Variants in DNAH3 observed in about 807,000 individuals in gnomAD.
The protein encoded by DNAH3 is axonemal beta dynein heavy chain 3.
Under a neutral mutation model 432.5 loss-of-function variants are expected in DNAH3, and 332 were observed. The ratio of observed to expected loss-of-function variants is 0.77; its 90% CI spans 0.70 to 0.84. The LOEUF is 0.84. DNAH3 is among the 40% of genes least tolerant of loss of function. The probability of loss-of-function intolerance (pLI) is 0.00; values close to 1 mark genes in which losing one functional copy is unlikely to be tolerated. For synonymous variants in DNAH3, 1,956 were observed against 1,900.2 expected, an observed-to-expected ratio of 1.03 and a Z score of -0.76; for missense variants, 4,861 against 5,114.0, an observed-to-expected ratio of 0.95 and a Z score of 1.51.
At chr16:21,015,819 T>G (rs2087830504) in intron 41 of DNAH3, among the ~76,000 whole-genome samples, 1 of 151,908 alleles carries the variant, frequency 6.6e-6, no homozygotes, top group Non-Finnish European at 1.5e-5. Flanking sequence ...TGAGATGGAG[T>G]CTTGCTCTGT....
At chr16:21,125,342 T>C (rs776139252) in exon 9 of DNAH3, 2 of 1,608,996 alleles carry the variant, frequency 1.2e-6, no homozygotes, top group East Asian at 2.2e-5. Context: ...TTCCGTGAGG[T>C]AAAAAGCTGG....
rs553797357 is a variant in DNAH3 at position 21,052,164 on chromosome 16, G to C, written c.4040-296C>G. ...ACGCCACCACACCTGGCTAATTTTT[G>C]TATTTTTAGTAGAGATGGGGTTTCA... On this transcript the variant is annotated intron_variant, in intron 28 of 61. Transcript: ENST00000261383. 7.2e-5 allele frequency among the ~76,000 whole-genome samples: 11 copies of C among 152,116 alleles called. No homozygotes were observed. In the South Asian group the frequency reaches 1.2e-3, roughly 17 times the overall value.
In DNAH3 at chr16:20,969,777, T is replaced by C; in HGVS notation, c.8458+15A>G. ...AGAGCAGCCTGTGCAGGCATCTGGG[T>C]GGGGTGGCACTTACCGGAGCCACTG... On this transcript the variant is annotated intron_variant, in intron 52 of 61. Transcript: ENST00000261383. 1 of 1,613,774 alleles carries C rather than the reference T, an allele frequency of 6.2e-7. No homozygotes were observed. Among genetic ancestry groups the C allele is most frequent in the Non-Finnish European group, 8.5e-7 (1 of 1,179,856 alleles).
Position 21,040,032 on chromosome 16 carries a change from G to A in DNAH3, c.4639-89C>T. On this transcript the variant is annotated intron_variant, in intron 32 of 61. Coordinates refer to ENST00000261383, the Ensembl canonical transcript of DNAH3. ...CACAGAAGCAAAGGGAAGTAGCTTT[G>A]CTTCATTCAGGCCACTCCAGTGACA... 3 of 1,087,124 alleles carry A rather than the reference G, an allele frequency of 2.8e-6. No homozygotes were observed. In the South Asian group the frequency reaches 3.9e-5, roughly 14 times the overall value. The allele number at this position is 1,087,124 out of a possible 1,614,324, so 67.3% of individuals were successfully genotyped here.
At chr16:20,982,650 AC>A in intron 49 of DNAH3, 70 bp downstream of exon 49, 1 of 1,339,752 alleles carries the variant, frequency 7.5e-7, no homozygotes, top group Non-Finnish European at 1.0e-6. Context: ...CAAAACAACA[AC>A]AAAAATAGAG....
chr16:20,974,579 G>GTTTTTTTTTTTTTTT (rs752437227), intron 51 of DNAH3, among the ~76,000 whole-genome samples: 5 of 81,842 alleles, frequency 6.1e-5, no homozygotes, highest in African/African-American at 9.7e-5. Flanking sequence ...GTTTTATAGT[G>GTTTTTTTTTTTTTTT]TTTTTTTTTT....
At chr16:21,028,802 G>A in intron 37 of DNAH3, among the ~76,000 whole-genome samples, 1 of 152,172 alleles carries the variant, frequency 6.6e-6, no homozygotes, top group Non-Finnish European at 1.5e-5. Context: ...GGATTCCAGT[G>A]AGATGTTTAA....
At chr16:20,984,687 T>C (rs1467197604) in intron 48 of DNAH3, among the ~76,000 whole-genome samples, 1 of 152,036 alleles carries the variant, frequency 6.6e-6, no homozygotes, top group Non-Finnish European at 1.5e-5. Flanking sequence ...CTGGCCAACA[T>C]GGTGAAACCC....
At chr16:21,083,044 T>C (rs1157879786) in intron 19 of DNAH3, among the ~76,000 whole-genome samples, 1 of 149,408 alleles carries the variant, frequency 6.7e-6, no homozygotes, top group Non-Finnish European at 1.5e-5. Flanking sequence ...TGAGAGAGAG[T>C]CTCGCTCTGT....
At position 20,969,882 on chromosome 16, in the gene DNAH3, T is replaced by C. The variant is rs771932187; in HGVS notation, c.8368A>G (p.Asn2790Asp). 30 of 1,614,044 alleles carry C rather than the reference T, an allele frequency of 1.9e-5. 1 individual carries two copies. In the East Asian group the frequency reaches 6.7e-4, roughly 36 times the overall value. The change falls in exon 52 of 62, where the codon AAC (asparagine) becomes GAC (aspartate). Residue 2790 changes from asparagine to aspartate, a missense_variant. By Grantham distance (23) the Asn-to-Asp change is conservative. Transcript: ENST00000261383. ...ACCAGTTTGACAGGGCCTGGTGGGT[T>C]CTGCATCGACTTCACCAGCGAGATG...
chr16:20,934,514 AAGTGTTG>A (rs1309814129), intron 61 of DNAH3, among the ~76,000 whole-genome samples: 1 of 152,204 alleles, frequency 6.6e-6, no homozygotes, highest in Non-Finnish European at 1.5e-5. Context: ...TTTTATAGTA[AAGTGTTG>A]AGTATCTTAT....
chr16:21,075,710 C>T (rs1023937516), intron 20 of DNAH3, 149 bp from the exon 21 acceptor site: 8 of 651,682 alleles, frequency 1.2e-5, no homozygotes, highest in East Asian at 2.8e-5. Flanking sequence ...GTCGGGAGTT[C>T]GAGACCAGCC....
At chr16:21,137,157 A>G (rs2092654735) in intron 5 of DNAH3, among the ~76,000 whole-genome samples, 1 of 149,700 alleles carries the variant, frequency 6.7e-6, no homozygotes, top group African/African-American at 2.5e-5. Flanking sequence ...AAAACATTAG[A>G]TTTTCCTGAT....
At chr16:21,144,963 C>CA (rs113322426) in intron 3 of DNAH3, among the ~76,000 whole-genome samples, 525 of 150,332 alleles carry the variant, frequency 3.5e-3, no homozygotes, top group African/African-American at 0.011. Flanking sequence ...ACTAAAAATA[C>CA]AAAAAAAAAT....
chr16:21,049,424 T>C (rs2089859717), intron 31 of DNAH3, 145 bp downstream of exon 31: 2 of 618,536 alleles, frequency 3.2e-6, no homozygotes, highest in South Asian at 4.1e-5. Flanking sequence ...AGAGTCCTTT[T>C]GTTTAGTTCA....
intron 49 of DNAH3, among the ~76,000 whole-genome samples, chr16:20,980,241 A>ACATCATATAT (rs1567571879): frequency 1.0e-5 from 1 of 97,818 alleles, no homozygotes; most frequent in African/African-American, 3.2e-5. Context: ...TATATTATAT[A>ACATCATATAT]TATAATATAC....
chr16:21,036,543 T>C (rs993586917), intron 35 of DNAH3, among the ~76,000 whole-genome samples, 171 bp downstream of exon 35: 3 of 152,202 alleles, frequency 2.0e-5, no homozygotes, highest in Admixed American at 1.3e-4. Flanking sequence ...GCCTCTCAAG[T>C]AGCTGGGACT....
chr16:20,983,011 ATG>A, intron 48 of DNAH3, 125 bp from the exon 49 acceptor site: 1 of 980,264 alleles, frequency 1.0e-6, no homozygotes, highest in Non-Finnish European at 1.6e-6. Flanking sequence ...CGCTCCAGGG[ATG>A]TGACTGTCAA....
At chr16:21,107,614 A>G (rs2091977973) in intron 14 of DNAH3, among the ~76,000 whole-genome samples, 1 of 152,148 alleles carries the variant, frequency 6.6e-6, no homozygotes, top group African/African-American at 2.4e-5. Flanking sequence ...GGCAGAGAAA[A>G]TGTTCCATTA....
Sources: allele counts gnomAD v4.1 joint callset (sites outside exome capture counted in the v4.1 genomes callset), GRCh38; gene constraint gnomAD v4.1.1; transcripts MANE v1.5; gene names NCBI Gene and HGNC (gene_info 2026-07-23, HGNC 2026-07-21).